The following RAC1 variants were observed in gnomAD, a reference collection of about 807,000 sequenced individuals.
RAC1 encodes ras-related C3 botulinum toxin substrate 1.
In RAC1, 2 loss-of-function variants were observed where a neutral mutation model predicts 25.2. The observed-to-expected ratio is 0.08, with a 90% CI of 0.03 to 0.25. The LOEUF (loss-of-function observed/expected upper bound fraction) is 0.25. Ranked by LOEUF, RAC1 falls within the 10% of genes least tolerant of loss-of-function variation. The probability of loss-of-function intolerance (pLI) is 1.00; values close to 1 mark genes in which losing one functional copy is unlikely to be tolerated. For synonymous variants in RAC1, 88 were observed against 94.0 expected (o/e 0.94, Z 0.37); for missense variants, 50 against 235.7 (o/e 0.21, Z 5.16).
intron 3 of RAC1, among the ~76,000 whole-genome samples, chr7:6,393,816 G>A (rs1783155587): frequency 6.6e-6 from 1 of 152,240 alleles, no homozygotes; most frequent in Non-Finnish European, 1.5e-5. Context: ...CAAGAGGGGC[G>A]AGCACCCACC....
At chr7:6,378,769 A>G (rs1448557382) in intron 1 of RAC1, among the ~76,000 whole-genome samples, 2 of 151,838 alleles carry the variant, frequency 1.3e-5, no homozygotes, top group Non-Finnish European at 2.9e-5. Flanking sequence ...CTTTGCCCCA[A>G]GATTTTCTCT....
rs2115214405 is a variant in RAC1 at position 6,400,265 on chromosome 7, G to A, written c.288+77G>A. ...AATAAATACTTTAAAATATCACTTAGCCTAGGAATTTTTAGTTATTTAAAT... is the reference window on the plus strand; with the variant it reads ...AATAAATACTTTAAAATATCACTTAACCTAGGAATTTTTAGTTATTTAAAT... On this transcript the variant is annotated intron_variant, in intron 4 of 5. Coordinates refer to ENST00000348035, the MANE Select transcript of RAC1 (RefSeq NM_006908.5). 2.2e-6 allele frequency: 3 copies of A among 1,365,222 alleles called. No homozygotes were observed. The East Asian group carries it at 6.9e-5, about 31-fold the overall frequency. 84.6% of individuals were successfully genotyped at this position (1,365,222 alleles called of 1,614,324 possible). A position where few individuals can be genotyped will look rare whatever the true frequency, so the allele number is the denominator to read the frequency against.
chr7:6,390,060 C>T (rs1472260232), intron 2 of RAC1, among the ~76,000 whole-genome samples: 1 of 120,734 alleles, frequency 8.3e-6, no homozygotes, highest in Non-Finnish European at 1.7e-5. Flanking sequence ...CTTCTCCTTT[C>T]TTTTCCCCTC....
chr7:6,375,471 C>T (rs533991330), intron 1 of RAC1, among the ~76,000 whole-genome samples: 50 of 152,224 alleles, frequency 3.3e-4, no homozygotes, highest in African/African-American at 1.2e-3. Context: ...AGTGATTCTC[C>T]TGCCTCTCAG....
intron 1 of RAC1, among the ~76,000 whole-genome samples, chr7:6,379,399 C>G (rs147936420): frequency 6.6e-6 from 1 of 150,528 alleles, no homozygotes; most frequent in African/African-American, 2.4e-5. Context: ...CTCAGCTTGT[C>G]GAGTAGGTGG....
intron 2 of RAC1, among the ~76,000 whole-genome samples, chr7:6,389,986 C>T (rs1187761183): frequency 1.6e-5 from 2 of 128,288 alleles, no homozygotes; most frequent in Non-Finnish European, 3.3e-5. Context: ...TTCCCTCCCT[C>T]CTCCTCTCCC....
intron 2 of RAC1, chr7:6,391,370 A>G (rs1459383760): frequency 6.5e-6 from 1 of 153,250 alleles, no homozygotes; most frequent in Non-Finnish European, 1.5e-5. Flanking sequence ...CTCCTGACTA[A>G]TTTGTGTAGC....
At chr7:6,375,095 G>A (rs35118895) in intron 1 of RAC1, among the ~76,000 whole-genome samples, 98 of 152,110 alleles carry the variant, frequency 6.4e-4, no homozygotes, top group African/African-American at 2.1e-3. Flanking sequence ...AAGCGCTCTT[G>A]GAGATTTTGA....
chr7:6,388,652 A>T (rs1186541022), intron 2 of RAC1, among the ~76,000 whole-genome samples: 5 of 151,838 alleles, frequency 3.3e-5, no homozygotes. Context: ...TTTTTACTGT[A>T]AGTGGAATCA....
chr7:6,377,381 C>T (rs752385377), intron 1 of RAC1, among the ~76,000 whole-genome samples: 7 of 151,584 alleles, frequency 4.6e-5, no homozygotes, highest in African/African-American at 9.7e-5. Context: ...ATCACTAGAG[C>T]TTAGGAGTTC....
chr7:6,398,696 G>A (rs376406697), intron 3 of RAC1: 22 of 1,613,574 alleles, frequency 1.4e-5, no homozygotes, highest in Middle Eastern at 1.6e-4. Context: ...ATAACCTCCC[G>A]GGGCAAAGAC....
chr7:6,392,120 G>C, intron 3 of RAC1, 79 bp downstream of exon 3: 1 of 1,594,198 alleles, frequency 6.3e-7, no homozygotes, highest in Non-Finnish European at 8.6e-7. Flanking sequence ...TGTTACCTAT[G>C]GACTTGCTTA....
chr7:6,394,710 C>T (rs10224776), intron 3 of RAC1, among the ~76,000 whole-genome samples: 4,798 of 152,114 alleles, frequency 0.032, 188 homozygotes, highest in African/African-American at 0.086. Flanking sequence ...GACAGAGTTT[C>T]GCTCTTGTTG....
chr7:6,391,688 C>G (rs1783097317), intron 2 of RAC1: 1 of 524,384 alleles, frequency 1.9e-6, no homozygotes, highest in African/African-American at 1.9e-5. Flanking sequence ...ATTTGTTTCA[C>G]TTAAATAGCT....
intron 2 of RAC1, among the ~76,000 whole-genome samples, chr7:6,390,611 T>A (rs71531384): frequency 0.18 from 27,298 of 150,222 alleles, 2,843 homozygotes; most frequent in Non-Finnish European, 0.24. Context: ...AAAAAAATAA[T>A]AATAATAATG....
chr7:6,398,575 TCTA>T, intron 3 of RAC1: 4 of 1,206,490 alleles, frequency 3.3e-6, no homozygotes, highest in Non-Finnish European at 3.6e-6. Context: ...AAGACAAAAT[TCTA>T]ATAAAGAATC....
At position 6,400,218 on chromosome 7, in the gene RAC1, G is replaced by C. The variant is rs191403789; in HGVS notation, c.288+30G>C. 185 of 1,534,730 alleles carry C rather than the reference G, an allele frequency of 1.2e-4. 1 individual carries two copies. The East Asian group carries it at 3.7e-3, about 30-fold the overall frequency. ...GTGGGGATTTAAAATGTGTATGTAAGTTATAGAATGATCCTCTCAGAAATA... is the reference window on the plus strand; with the variant it reads ...GTGGGGATTTAAAATGTGTATGTAACTTATAGAATGATCCTCTCAGAAATA... On this transcript the variant is annotated intron_variant, in intron 4 of 5. Transcript: ENST00000348035.
chr7:6,390,272 T>C (rs888876343), intron 2 of RAC1, among the ~76,000 whole-genome samples: 1 of 151,710 alleles, frequency 6.6e-6, no homozygotes, highest in African/African-American at 2.4e-5. Flanking sequence ...CATTATGGTG[T>C]CTTCTGCCAT....
At chr7:6,390,093 TCC>T (rs1461673734) in intron 2 of RAC1, among the ~76,000 whole-genome samples, 21 of 52,722 alleles carry the variant, frequency 4.0e-4, no homozygotes, top group South Asian at 1.4e-3. Context: ...CCTCCCTCCC[TCC>T]CTTTTTTTTT....
Sources: gnomAD v4.1 joint callset for allele counts (sites outside exome capture counted in the v4.1 genomes callset) on GRCh38, gnomAD v4.1.1 for gene constraint, MANE v1.5 for transcripts, NCBI Gene and HGNC (gene_info 2026-07-23, HGNC 2026-07-21) for gene names.